The following AMOTL1 variants were observed in gnomAD, a reference collection of about 807,000 sequenced individuals.
The protein encoded by AMOTL1 is angiomotin like 1.
In AMOTL1, 45 loss-of-function variants were observed where a neutral mutation model predicts 102.9. The ratio of observed to expected loss-of-function variants is 0.44; its 90% CI spans 0.34 to 0.56. The LOEUF (loss-of-function observed/expected upper bound fraction) is 0.56. Among genes scored for constraint, AMOTL1 ranks in the 20% least tolerant of loss-of-function variants. AMOTL1 has a pLI of 0.01. For synonymous variants in AMOTL1, 481 were observed against 484.7 expected (o/e 0.99, Z 0.10); for missense variants, 1,114 against 1,225.6 (o/e 0.91, Z 1.36).
At chr11:94,848,001 G>A (rs1952453019) in intron 6 of AMOTL1, among the ~76,000 whole-genome samples, 1 of 152,170 alleles carries the variant, frequency 6.6e-6, no homozygotes. Flanking sequence ...GAAGCTCTGA[G>A]ATCCTGTGGT....
At chr11:94,822,802 G>C (rs1951891208) in intron 4 of AMOTL1, among the ~76,000 whole-genome samples, 1 of 152,200 alleles carries the variant, frequency 6.6e-6, no homozygotes, top group Non-Finnish European at 1.5e-5. Context: ...GTCAGCATCT[G>C]ATGTGCTACA....
At chr11:94,771,775 C>T (rs1950956399) in intron 1 of AMOTL1, among the ~76,000 whole-genome samples, 1 of 152,110 alleles carries the variant, frequency 6.6e-6, no homozygotes, top group Admixed American at 6.5e-5. Flanking sequence ...ACACTCAGGA[C>T]AGGACTCCTG....
intron 3 of AMOTL1, among the ~76,000 whole-genome samples, chr11:94,815,855 A>T (rs142889270): frequency 6.6e-6 from 1 of 152,140 alleles, no homozygotes; most frequent in Non-Finnish European, 1.5e-5. Context: ...AGAAAGAGGG[A>T]TATTCAGGAC....
At chr11:94,839,724 T>G (rs1444489886) in intron 6 of AMOTL1, among the ~76,000 whole-genome samples, 1 of 152,206 alleles carries the variant, frequency 6.6e-6, no homozygotes, top group African/African-American at 2.4e-5. Context: ...TCTTATTTTT[T>G]GCTTCCCCTT....
At chr11:94,842,302 G>A (rs995548387) in intron 6 of AMOTL1, among the ~76,000 whole-genome samples, 3 of 152,122 alleles carry the variant, frequency 2.0e-5, no homozygotes, top group African/African-American at 7.2e-5. Flanking sequence ...TCACTATGAA[G>A]AGGTCCAGTA....
At chr11:94,787,687 C>CAAAAAA (rs59563004) in intron 1 of AMOTL1, among the ~76,000 whole-genome samples, 2 of 57,544 alleles carry the variant, frequency 3.5e-5, no homozygotes, top group Admixed American at 2.7e-4. Context: ...AACTCCGTCT[C>CAAAAAA]AAAAAAAAAA....
In AMOTL1 at chr11:94,798,565, G is replaced by T. The variant is rs141734102; in HGVS notation, c.200-825G>T. 2.0e-3 allele frequency among the ~76,000 whole-genome samples: 308 copies of T among 152,260 alleles called. 1 individual carries two copies. Among genetic ancestry groups the T allele is most frequent in the African/African-American group, 6.1e-3 (254 of 41,548 alleles). ...TGAGTTAGAAGGACTCAGGGCCATCGTCTGGCAGTTGTAGATGTATGGGTC... is the reference window on the plus strand; with the variant it reads ...TGAGTTAGAAGGACTCAGGGCCATCTTCTGGCAGTTGTAGATGTATGGGTC... On this transcript the variant is annotated intron_variant, in intron 2 of 12. Coordinates refer to ENST00000433060, the MANE Select transcript of AMOTL1 (RefSeq NM_130847.3).
intron 3 of AMOTL1, among the ~76,000 whole-genome samples, chr11:94,745,785 T>C (rs1035257595): frequency 7.2e-5 from 11 of 152,220 alleles, no homozygotes; most frequent in African/African-American, 2.7e-4. Flanking sequence ...TAAAACATAC[T>C]TATTTCCCAA....
intron 3 of AMOTL1, among the ~76,000 whole-genome samples, chr11:94,749,573 A>T (rs1950627559): frequency 6.6e-6 from 1 of 152,192 alleles, no homozygotes; most frequent in Non-Finnish European, 1.5e-5. Flanking sequence ...CCTCATAGTG[A>T]CTAGCCCCAG....
At chr11:94,835,013 G>A (rs1459268058) in intron 6 of AMOTL1, among the ~76,000 whole-genome samples, 4 of 152,196 alleles carry the variant, frequency 2.6e-5, no homozygotes, top group African/African-American at 9.6e-5. Context: ...ACTCCCCCAA[G>A]TCATGAGATT....
chr11:94,806,212 A>T (rs1291584763), intron 3 of AMOTL1, among the ~76,000 whole-genome samples: 1 of 152,242 alleles, frequency 6.6e-6, no homozygotes, highest in East Asian at 1.9e-4. Context: ...TCAGCCCAGC[A>T]GTGCAGCAAG....
At chr11:94,836,353 T>C (rs1037124661) in intron 6 of AMOTL1, among the ~76,000 whole-genome samples, 1 of 152,218 alleles carries the variant, frequency 6.6e-6, no homozygotes, top group African/African-American at 2.4e-5. Context: ...CTCCTGACTC[T>C]GGGCTCCTTG....
intron 1 of AMOTL1, among the ~76,000 whole-genome samples, chr11:94,779,394 G>C (rs1349008496): frequency 6.6e-6 from 1 of 152,186 alleles, no homozygotes; most frequent in Non-Finnish European, 1.5e-5. Context: ...TGAATCAGGA[G>C]TGGGGAGAGG....
intron 1 of AMOTL1, among the ~76,000 whole-genome samples, chr11:94,794,530 A>G (rs928557265): frequency 1.3e-5 from 2 of 152,220 alleles, no homozygotes; most frequent in African/African-American, 4.8e-5. Context: ...CAGAGAGCAC[A>G]TTCTCTTGCT....
intron 2 of AMOTL1, among the ~76,000 whole-genome samples, chr11:94,797,392 G>C (rs907073666): frequency 2.0e-5 from 3 of 152,190 alleles, no homozygotes; most frequent in Non-Finnish European, 2.9e-5. Context: ...AGCTCATGTA[G>C]GTATTCTTTT....
At position 94,870,679 on chromosome 11, in the gene AMOTL1, T is replaced by C; in HGVS notation, c.2765-10T>C. 6.3e-7 allele frequency: 1 copy of C among 1,584,772 alleles called. No individual in the cohort carries two copies. The highest frequency in any genetic ancestry group is 8.6e-7 in the Non-Finnish European group (1 of 1,163,586). The stretch of plus-strand genomic sequence containing the variant: ...GAATGGGCAGCTGATGTTTCCCCTC[T>C]ATTTGGCAGAGAACTCTCCTGGCCA... On this transcript the variant is annotated splice_polypyrimidine_tract_variant and intron_variant, in intron 12 of 12. Transcript: ENST00000433060.
intron 3 of AMOTL1, among the ~76,000 whole-genome samples, chr11:94,758,743 T>A (rs1483461125): frequency 6.6e-6 from 1 of 152,210 alleles, no homozygotes; most frequent in Non-Finnish European, 1.5e-5. Context: ...AAGTAGAGAA[T>A]ACAAGAAATT....
intron 6 of AMOTL1, among the ~76,000 whole-genome samples, chr11:94,838,279 C>T (rs1423064930): frequency 2.0e-5 from 3 of 152,220 alleles, no homozygotes; most frequent in Non-Finnish European, 4.4e-5. Flanking sequence ...GTGCCTGGCA[C>T]TTAGAGGCAT....
chr11:94,761,589 G>A (rs1393715559), intron 3 of AMOTL1, among the ~76,000 whole-genome samples: 1 of 152,052 alleles, frequency 6.6e-6, no homozygotes, highest in Non-Finnish European at 1.5e-5. Context: ...CTGAAGACTT[G>A]TACCTAGCAT....
Sources: allele counts gnomAD v4.1 joint callset (sites outside exome capture counted in the v4.1 genomes callset), GRCh38; gene constraint gnomAD v4.1.1; transcripts MANE v1.5; gene names NCBI Gene and HGNC (gene_info 2026-07-23, HGNC 2026-07-21).